The following SCN11A variants were observed in gnomAD, a reference collection of about 807,000 sequenced individuals.
SCN11A encodes sodium voltage-gated channel alpha subunit 11, also known as sodium channel protein type 11 subunit alpha.
Under a neutral mutation model 162.2 loss-of-function variants are expected in SCN11A, and 122 were observed. The ratio of observed to expected loss-of-function variants is 0.75; its 90% CI spans 0.65 to 0.87. SCN11A has a LOEUF of 0.87. SCN11A is among the 40% of genes least tolerant of loss of function. SCN11A has a pLI of 0.00. For missense variants in SCN11A, 2,015 were observed against 2,181.6 expected (o/e 0.92, Z 1.52); for synonymous variants, 758 against 751.5 (o/e 1.01, Z -0.14).
Position 38,946,910 on chromosome 3 carries a change from G to A in SCN11A, c.268-3C>T, listed in dbSNP as rs200598776. The A allele has an allele frequency of 5.8e-4, 910 of 1,556,204 alleles. No individual in the cohort carries two copies. The highest frequency in any genetic ancestry group is 7.7e-4 in the Non-Finnish European group (878 of 1,140,150). On this transcript the variant is annotated splice_region_variant and splice_polypyrimidine_tract_variant and intron_variant, in intron 5 of 29. Coordinates refer to ENST00000302328, the MANE Select transcript of SCN11A (RefSeq NM_001349253.2). ...TTTCTGTTTAACACCATAAATGTCTGCAAAACAAAAAAAACAATACAAGAA... is the reference window on the plus strand; with the variant it reads ...TTTCTGTTTAACACCATAAATGTCTACAAAACAAAAAAAACAATACAAGAA...
intron 7 of SCN11A, among the ~76,000 whole-genome samples, chr3:38,933,013 C>T (rs1382055703): frequency 9.9e-5 from 15 of 152,188 alleles, no homozygotes; most frequent in Admixed American, 3.9e-4. Context: ...CCGGGTACTC[C>T]TCTGAGACAA....
intron 19 of SCN11A, among the ~76,000 whole-genome samples, chr3:38,887,934 G>A (rs11129809): frequency 0.14 from 21,557 of 152,026 alleles, 1,996 homozygotes; most frequent in East Asian, 0.27. Flanking sequence ...ATATAGCCAC[G>A]AATATACCTC....
chr3:39,020,815 T>A (rs374858133), intron 2 of SCN11A, among the ~76,000 whole-genome samples: 2 of 152,220 alleles, frequency 1.3e-5, no homozygotes, highest in East Asian at 3.8e-4. Context: ...GCAAATGCAC[T>A]GTTCACATCC....
At chr3:39,011,358 C>T (rs994727070) in intron 2 of SCN11A, among the ~76,000 whole-genome samples, 4 of 152,166 alleles carry the variant, frequency 2.6e-5, no homozygotes, top group Non-Finnish European at 5.9e-5. Flanking sequence ...TAAGGCTTTG[C>T]CTAAAAACTT....
Position 38,871,442 on chromosome 3 carries a change from T to C in SCN11A, c.3759+3A>G, listed in dbSNP as rs1350629212. ...GAGTGAAAAACATACTGACTGTACTTACCACTTGCAGCAGAGCGAGGTAAG... is the reference window on the plus strand; with the variant it reads ...GAGTGAAAAACATACTGACTGTACTCACCACTTGCAGCAGAGCGAGGTAAG... On this transcript the variant is annotated splice_donor_region_variant and intron_variant, in intron 25 of 29. Coordinates refer to ENST00000302328, the MANE Select transcript of SCN11A (RefSeq NM_001349253.2). The C allele has an allele frequency of 1.9e-6, 3 of 1,597,740 alleles. No homozygotes were observed. The highest frequency in any genetic ancestry group is 2.3e-5 in the South Asian group (2 of 87,134).
chr3:39,047,205 G>A, intron 1 of SCN11A, among the ~76,000 whole-genome samples: 1 of 151,432 alleles, frequency 6.6e-6, no homozygotes, highest in Non-Finnish European at 1.5e-5. Context: ...AAGTAGCTGG[G>A]ACTACAGGCA....
chr3:38,934,926 T>G (rs1316694224), intron 7 of SCN11A, among the ~76,000 whole-genome samples: 1 of 151,142 alleles, frequency 6.6e-6, no homozygotes, highest in Admixed American at 6.6e-5. Flanking sequence ...AGAATATACA[T>G]TTTTTTCAGC....
At chr3:38,896,774 A>G in intron 18 of SCN11A, 71 bp downstream of exon 18, 2 of 1,255,226 alleles carry the variant, frequency 1.6e-6, no homozygotes, top group Non-Finnish European at 2.1e-6. Context: ...AAAGTTTTGC[A>G]AATGAAGTAA....
Position 38,950,078 on chromosome 3 carries a change from C to CCCCCCG in SCN11A, c.267+17_267+18insCGGGGG, listed in dbSNP as rs1553644472. On this transcript the variant is annotated intron_variant, in intron 5 of 29. Transcript: ENST00000302328. ...GAACACCCCCACCCCCACCCCCCCC[C>CCCCCCG]CCCGCCCAATGAAGTACCTTATGAT... The CCCCCCG allele has an allele frequency of 9.7e-4, 136 of 140,556 alleles. No homozygotes were observed. The highest frequency in any genetic ancestry group is 2.0e-3 in the African/African-American group (57 of 27,916). The allele number at this position is 140,556 out of a possible 1,614,324, so 8.7% of individuals were successfully genotyped here. A position where few individuals can be genotyped will look rare whatever the true frequency, so the allele number is the denominator to read the frequency against.
In SCN11A at chr3:38,866,165, G is replaced by A. The variant is rs550588916; in HGVS notation, c.3951+1156C>T. The stretch of plus-strand genomic sequence containing the variant: ...AGGGGAATGATCAGGATAAATTATG[G>A]TCTATCCATAATATGCAATGTAATT... On this transcript the variant is annotated intron_variant, in intron 27 of 29. Coordinates refer to ENST00000302328, the MANE Select transcript of SCN11A (RefSeq NM_001349253.2). Among the ~76,000 whole-genome samples, 6 of 151,560 alleles carry A rather than the reference G, an allele frequency of 4.0e-5. 1 individual carries two copies. The highest frequency in any genetic ancestry group is 1.5e-4 in the African/African-American group (6 of 41,376).
At chr3:38,904,447 C>T (rs952142245) in intron 15 of SCN11A, among the ~76,000 whole-genome samples, 1 of 152,058 alleles carries the variant, frequency 6.6e-6, no homozygotes, top group African/African-American at 2.4e-5. Context: ...AAGTTATGTC[C>T]ACTCAAGACA....
chr3:38,880,207 T>C (rs779297900), intron 22 of SCN11A, 84 bp from the exon 23 acceptor site: 9 of 981,784 alleles, frequency 9.2e-6, no homozygotes, highest in Non-Finnish European at 1.4e-5. Context: ...TTTTCTTCCT[T>C]ATATGAATAA....
At chr3:38,878,922 T>C (rs556205401) in intron 23 of SCN11A, among the ~76,000 whole-genome samples, 86 of 152,146 alleles carry the variant, frequency 5.7e-4, no homozygotes, top group African/African-American at 2.0e-3. Flanking sequence ...ACTAATTACA[T>C]CATGATGGAA....
At chr3:39,043,249 ATCAT>A (rs2032099578) in intron 1 of SCN11A, among the ~76,000 whole-genome samples, 1 of 152,142 alleles carries the variant, frequency 6.6e-6, no homozygotes, top group Non-Finnish European at 1.5e-5. Flanking sequence ...ATTATGAAGA[ATCAT>A]TTAGCAGTCT....
At chr3:38,860,876 A>G (rs6599264) in intron 28 of SCN11A, among the ~76,000 whole-genome samples, 38,723 of 152,038 alleles carry the variant, frequency 0.25, 5,072 homozygotes, top group Middle Eastern at 0.3. Flanking sequence ...CATAGCACTC[A>G]GAAGTCCTAG....
chr3:38,985,728 A>G (rs1033043422), intron 2 of SCN11A, among the ~76,000 whole-genome samples: 2 of 151,004 alleles, frequency 1.3e-5, no homozygotes, highest in Non-Finnish European at 2.9e-5. Context: ...TAGAAGAGAC[A>G]TGTTGTTTAA....
chr3:39,021,961 G>T (rs978309936), intron 2 of SCN11A, among the ~76,000 whole-genome samples: 1 of 152,168 alleles, frequency 6.6e-6, no homozygotes, highest in Non-Finnish European at 1.5e-5. Context: ...GACTAACCAT[G>T]ATTAGGCTTT....
chr3:38,916,987 T>A (rs143901201), intron 11 of SCN11A, among the ~76,000 whole-genome samples: 10 of 152,282 alleles, frequency 6.6e-5, no homozygotes, highest in Non-Finnish European at 7.4e-5. Flanking sequence ...ACCACAAAAC[T>A]CTGGAGCATT....
chr3:38,921,922 T>G (rs1420532135), intron 9 of SCN11A, among the ~76,000 whole-genome samples: 1 of 152,230 alleles, frequency 6.6e-6, no homozygotes, highest in East Asian at 1.9e-4. Flanking sequence ...AAACTGGCTC[T>G]TCAAGCAGGA....
Sources: allele counts gnomAD v4.1 joint callset (sites outside exome capture counted in the v4.1 genomes callset), GRCh38; gene constraint gnomAD v4.1.1; transcripts MANE v1.5; gene names NCBI Gene and HGNC (gene_info 2026-07-23, HGNC 2026-07-21).